TTYH2: variants seen among roughly 807,000 people sequenced by gnomAD.
TTYH2 encodes the protein protein tweety homolog 2.
In TTYH2, 49 loss-of-function variants were observed where a neutral mutation model predicts 68.3. The ratio of observed to expected loss-of-function variants is 0.72; its 90% CI spans 0.57 to 0.91. The LOEUF is 0.91. Ranked by LOEUF, TTYH2 falls within the 40% of genes least tolerant of loss-of-function variation. TTYH2 has a pLI of 0.00. For missense variants in TTYH2, 631 were observed against 700.4 expected (o/e 0.90, Z 1.12); for synonymous variants, 272 against 300.8 (o/e 0.90, Z 0.99).
intron 6 of TTYH2, chr17:74,248,523 T>C (rs2050584659): frequency 1.5e-5 from 15 of 993,560 alleles, no homozygotes; most frequent in Non-Finnish European, 1.8e-5. Flanking sequence ...TAGAAAGAGT[T>C]TGGGGGAGGC....
rs546140311 is a variant in TTYH2 at position 74,216,565 on chromosome 17, C to T, written c.129+2849C>T. On this transcript the variant is annotated intron_variant, in intron 1 of 13. Coordinates refer to ENST00000269346, the MANE Select transcript of TTYH2 (RefSeq NM_032646.6). ...CTGGGGTGTTTGGGAGCCGTGAAAG[C>T]CCCCAGTCCTCCTGATAGTTGATCC... 2.6e-5 allele frequency among the ~76,000 whole-genome samples: 4 copies of T among 152,332 alleles called. No homozygotes were observed. The East Asian group carries it at 7.7e-4, about 29-fold the overall frequency.
Position 74,237,092 on chromosome 17 carries a change from G to T in TTYH2, c.415-202G>T, listed in dbSNP as rs372262091. On this transcript the variant is annotated intron_variant, in intron 3 of 13. Coordinates refer to ENST00000269346, the MANE Select transcript of TTYH2 (RefSeq NM_032646.6). The stretch of plus-strand genomic sequence containing the variant: ...TTATATATTTTTTTGTAGAGACAGG[G>T]TCTCACTGTGTTGCCCAGGCTGGTC... Among the ~76,000 whole-genome samples, 108 of 152,098 alleles carry T rather than the reference G, an allele frequency of 7.1e-4. 1 individual carries two copies. In the South Asian group the frequency reaches 0.021, roughly 30 times the overall value.
chr17:74,237,341 G>A lies in TTYH2; in HGVS notation c.462G>A (p.Leu154=), dbSNP rs139731062. The A allele has an allele frequency of 4.4e-5, 71 of 1,614,186 alleles. No individual in the cohort carries two copies. The African/African-American group carries it at 8.3e-4, about 19-fold the overall frequency. Reference sequence around the variant, plus strand: ...TGAAGGTGGACCTAGAGCAGCACCTGGCCCGGCTCAGTGAGATCTTTGCTG... The same window carrying A: ...TGAAGGTGGACCTAGAGCAGCACCTAGCCCGGCTCAGTGAGATCTTTGCTG... The part of the protein sequence containing the change: ...QKMKVDLEQH[L]ARLSEIFAAR... Residue 154 remains leucine (L), a synonymous_variant, in exon 4 of 14, where the codon CTG becomes CTA. Coordinates refer to ENST00000269346, the MANE Select transcript of TTYH2 (RefSeq NM_032646.6).
chr17:74,229,098 T>G (rs977170334), intron 2 of TTYH2, among the ~76,000 whole-genome samples: 37 of 152,092 alleles, frequency 2.4e-4, no homozygotes, highest in Admixed American at 2.4e-3. Flanking sequence ...GAACATTCTA[T>G]AAGTTGGGAG....
At position 74,241,424 on chromosome 17, in the gene TTYH2, C is replaced by T. The variant is rs575105645; in HGVS notation, c.636-1950C>T. ...TCTGCCCACTCCCCAAAGCCCCCGGCTCCATTCCGGGGAACCCCAGAGACC... is the reference window on the plus strand; with the variant it reads ...TCTGCCCACTCCCCAAAGCCCCCGGTTCCATTCCGGGGAACCCCAGAGACC... On this transcript the variant is annotated intron_variant, in intron 4 of 13. Transcript: ENST00000269346. The surrounding 1 kb of genome is among the most constrained non-coding windows in gnomAD (Gnocchi z 4.1). 6.6e-6 allele frequency among the ~76,000 whole-genome samples: 1 copy of T among 152,194 alleles called. No homozygotes were observed. Among genetic ancestry groups the T allele is most frequent in the African/African-American group, 2.4e-5 (1 of 41,454 alleles).
intron 2 of TTYH2, among the ~76,000 whole-genome samples, chr17:74,228,789 C>T (rs935983062): frequency 2.6e-5 from 4 of 152,180 alleles, no homozygotes; most frequent in Admixed American, 2.6e-4. Flanking sequence ...GCGCTCAGAG[C>T]TGATGAACAA....
chr17:74,247,488 G>T (rs547965024), intron 6 of TTYH2, among the ~76,000 whole-genome samples: 1 of 152,346 alleles, frequency 6.6e-6, no homozygotes, highest in South Asian at 2.1e-4. Flanking sequence ...GGGTGGCCAA[G>T]GGGTGTGAAG....
chr17:74,237,192 A>G, intron 3 of TTYH2, 102 bp from the exon 4 acceptor site: 1 of 1,154,086 alleles, frequency 8.7e-7, no homozygotes, highest in Non-Finnish European at 1.3e-6. Flanking sequence ...GAGCGTAATT[A>G]TCGCACCTGG....
At position 74,237,415 on chromosome 17, in the gene TTYH2, G is replaced by T; in HGVS notation, c.536G>T (p.Gly179Val). 2.5e-6 allele frequency: 4 copies of T among 1,614,148 alleles called. No individual in the cohort carries two copies. Among genetic ancestry groups the T allele is most frequent in the Non-Finnish European group, 3.4e-6 (4 of 1,180,028 alleles). Residue 179 changes from glycine (G) to valine (V), a missense_variant, in exon 4 of 14, where the codon GGC (glycine) becomes GTC (valine). By Grantham distance (109) the Gly-to-Val change is moderately radical. Transcript: ENST00000269346. ...QTLKFIQQMA[G>V]SVVVQLSGLP... ...CTGAAGTTCATACAGCAGATGGCGG[G>T]CAGCGTTGTTGTTCAGCTCTCAGGA...
At chr17:74,252,123 C>T in intron 10 of TTYH2, 111 bp from the exon 11 acceptor site, 2 of 1,437,050 alleles carry the variant, frequency 1.4e-6, no homozygotes, top group Non-Finnish European at 1.9e-6. Flanking sequence ...TGGGGAGCAG[C>T]CAGGAGACCC....
intron 1 of TTYH2, among the ~76,000 whole-genome samples, chr17:74,219,254 T>TGGCG (rs2050251932): frequency 6.6e-6 from 1 of 150,472 alleles, no homozygotes; most frequent in African/African-American, 2.5e-5. Context: ...CTGGGCCTGG[T>TGGCG]AGCACATGCC....
chr17:74,256,333 T>C (rs1015865999), intron 13 of TTYH2, among the ~76,000 whole-genome samples: 5 of 152,122 alleles, frequency 3.3e-5, no homozygotes, highest in Admixed American at 6.5e-5. Flanking sequence ...GGCTGGATGC[T>C]ATTGACATCT....
At position 74,217,474 on chromosome 17, in the gene TTYH2, G is replaced by A. The variant is rs952610832; in HGVS notation, c.129+3758G>A. On this transcript the variant is annotated intron_variant, in intron 1 of 13. Transcript: ENST00000269346. The surrounding 1 kb of genome is among the most constrained non-coding windows in gnomAD (Gnocchi z 4.0). ...CTGCTTCTGACCTGGGGGCAGGTCTGAGGAAGAAGGACCAGGCAGCAAGCC... is the reference window on the plus strand; with the variant it reads ...CTGCTTCTGACCTGGGGGCAGGTCTAAGGAAGAAGGACCAGGCAGCAAGCC... Among the ~76,000 whole-genome samples the A allele has an allele frequency of 2.0e-5, 3 of 152,216 alleles. No homozygotes were observed. The highest frequency in any genetic ancestry group is 4.4e-5 in the Non-Finnish European group (3 of 68,036).
At chr17:74,248,617 A>G (rs2050585748) in intron 6 of TTYH2, 1 of 1,087,078 alleles carries the variant, frequency 9.2e-7, no homozygotes, top group Admixed American at 4.5e-5. Context: ...TGGTGTAACG[A>G]ACTCCCACAC....
Position 74,217,022 on chromosome 17 carries a change from G to A in TTYH2, c.129+3306G>A, listed in dbSNP as rs918394176. ...GGCAGTGTTGGGGAGAAGGGAATGG[G>A]CACCTGGCACTGAATCCAGCAATGT... On this transcript the variant is annotated intron_variant, in intron 1 of 13. Transcript: ENST00000269346. This position sits in a 1 kb window ranked among gnomAD's most constrained non-coding sequence, Gnocchi z 4.0. Among the ~76,000 whole-genome samples, 4 of 152,344 alleles carry A rather than the reference G, an allele frequency of 2.6e-5. No individual in the cohort carries two copies. In the East Asian group the frequency reaches 7.7e-4, roughly 29 times the overall value.
rs1311694723 is a variant in TTYH2 at position 74,222,393 on chromosome 17, G to T, written c.130-92G>T. 1.1e-5 allele frequency: 15 copies of T among 1,395,138 alleles called. No homozygotes were observed. The highest frequency in any genetic ancestry group is 1.4e-5 in the Non-Finnish European group (14 of 1,035,226). 86.4% of individuals were successfully genotyped at this position (1,395,138 alleles called of 1,614,324 possible). ...AGGATGGACGAGAGATGCAGCTCAG[G>T]CAGTGGGGCACTCAGGGCCCAAGGG... On this transcript the variant is annotated intron_variant, in intron 1 of 13. Coordinates refer to ENST00000269346, the MANE Select transcript of TTYH2 (RefSeq NM_032646.6). The surrounding 1 kb of genome is among the most constrained non-coding windows in gnomAD (Gnocchi z 5.2).
chr17:74,252,054 G>A (rs780483710), intron 10 of TTYH2, 180 bp from the exon 11 acceptor site: 24 of 707,552 alleles, frequency 3.4e-5, no homozygotes, highest in Non-Finnish European at 5.2e-5. Context: ...AACCCAAGAA[G>A]CCCCATTGTG....
rs145583965 is a variant in TTYH2, at chr17:74,250,408, C to T, written c.1116+51C>T. 1,371 of 1,474,640 alleles carry T rather than the reference C, an allele frequency of 9.3e-4. 11 individuals carry two copies. In the African/African-American group the frequency reaches 0.016, roughly 17 times the overall value. The allele number at this position is 1,474,640 out of a possible 1,614,324, so 91.3% of individuals were successfully genotyped here. A position where few individuals can be genotyped will look rare whatever the true frequency, so the allele number is the denominator to read the frequency against. ...GGAGAGTGTGAGGGCACCCAGCAGG[C>T]CACACCTTCCAGAGAAAAGCCGGTA... On this transcript the variant is annotated intron_variant, in intron 10 of 13. Transcript: ENST00000269346.
chr17:74,238,372 G>A (rs2050465482), intron 4 of TTYH2, among the ~76,000 whole-genome samples: 1 of 152,176 alleles, frequency 6.6e-6, no homozygotes, highest in African/African-American at 2.4e-5. Flanking sequence ...CACAAGGGAG[G>A]AATGAGGCTG....
Sources: allele counts gnomAD v4.1 joint callset (sites outside exome capture counted in the v4.1 genomes callset), GRCh38; gene constraint gnomAD v4.1.1; non-coding constraint Gnocchi (gnomAD v3.1); transcripts MANE v1.5; gene names NCBI Gene and HGNC (gene_info 2026-07-23, HGNC 2026-07-21).